The following SLC9A9 variants were observed in gnomAD, a reference collection of about 807,000 sequenced individuals.
SLC9A9 encodes sodium/hydrogen exchanger 9.
SLC9A9 carries 62 observed loss-of-function variants against 77.8 expected under a neutral mutation model. The ratio of observed to expected loss-of-function variants is 0.80; its 90% CI spans 0.65 to 0.98. The LOEUF (loss-of-function observed/expected upper bound fraction) is 0.98. SLC9A9 is among the 50% of genes least tolerant of loss of function. SLC9A9 has a pLI of 0.00. For missense variants in SLC9A9, 775 were observed against 774.9 expected, an observed-to-expected ratio of 1.00 and a Z score of 0.00; for synonymous variants, 320 against 283.5, an observed-to-expected ratio of 1.13 and a Z score of -1.29.
intron 9 of SLC9A9, among the ~76,000 whole-genome samples, chr3:143,548,930 T>A (rs1468720219): frequency 6.6e-6 from 1 of 152,244 alleles, no homozygotes; most frequent in Non-Finnish European, 1.5e-5. Context: ...TTGAATTTTA[T>A]AACTCAAAGG....
intron 4 of SLC9A9, among the ~76,000 whole-genome samples, chr3:143,734,944 T>C (rs975588705): frequency 6.6e-6 from 1 of 152,158 alleles, no homozygotes; most frequent in African/African-American, 2.4e-5. Flanking sequence ...AATCAGACTG[T>C]GAATTGTGTT....
At chr3:143,773,736 G>A (rs139288314) in intron 4 of SLC9A9, among the ~76,000 whole-genome samples, 3,426 of 152,122 alleles carry the variant, frequency 0.023, 119 homozygotes, top group African/African-American at 0.076. Flanking sequence ...TGCCCACCTC[G>A]GCCTCCCAAA....
chr3:143,516,682 A>G (rs1420944448), intron 9 of SLC9A9, among the ~76,000 whole-genome samples: 1 of 152,082 alleles, frequency 6.6e-6, no homozygotes, highest in Non-Finnish European at 1.5e-5. Flanking sequence ...TGCCTCTCCT[A>G]CCCTATGTAA....
intron 12 of SLC9A9, among the ~76,000 whole-genome samples, chr3:143,385,907 C>T (rs2033412782): frequency 6.6e-6 from 1 of 152,290 alleles, no homozygotes; most frequent in East Asian, 1.9e-4. Flanking sequence ...CAAATACAGT[C>T]CCTGAGCTCT....
At chr3:143,484,777 G>A (rs755856999) in intron 11 of SLC9A9, among the ~76,000 whole-genome samples, 19 of 152,134 alleles carry the variant, frequency 1.2e-4, no homozygotes, top group Non-Finnish European at 1.3e-4. Flanking sequence ...GTTCAAAGTC[G>A]AGAGGCCTGG....
At chr3:143,622,191 G>T (rs1457432769) in intron 6 of SLC9A9, among the ~76,000 whole-genome samples, 2 of 152,200 alleles carry the variant, frequency 1.3e-5, no homozygotes, top group African/African-American at 4.8e-5. Flanking sequence ...AAAACACTCT[G>T]CAGGATATTA....
chr3:143,379,354 C>T (rs1308666397), intron 13 of SLC9A9, among the ~76,000 whole-genome samples: 1 of 152,174 alleles, frequency 6.6e-6, no homozygotes, highest in Non-Finnish European at 1.5e-5. Context: ...TACCAAAAAA[C>T]GGTCCAGGTT....
chr3:143,357,032 C>T (rs1448009357), intron 14 of SLC9A9, among the ~76,000 whole-genome samples: 2 of 152,146 alleles, frequency 1.3e-5, no homozygotes, highest in Non-Finnish European at 1.5e-5. Context: ...AGCCAGCTTC[C>T]CAGGAGAAGC....
intron 9 of SLC9A9, among the ~76,000 whole-genome samples, chr3:143,506,024 G>A (rs895099654): frequency 1.3e-5 from 2 of 152,140 alleles, no homozygotes; most frequent in Non-Finnish European, 2.9e-5. Flanking sequence ...GTCATTGCAG[G>A]ATTTTGTAAG....
intron 3 of SLC9A9, among the ~76,000 whole-genome samples, chr3:143,796,279 T>G (rs747514143): frequency 3.0e-4 from 45 of 151,742 alleles, no homozygotes; most frequent in Admixed American, 2.6e-3. Flanking sequence ...GTTTTCACTT[T>G]AAAGGATAAA....
At chr3:143,612,588 C>T (rs183098981) in intron 6 of SLC9A9, among the ~76,000 whole-genome samples, 203 of 152,326 alleles carry the variant, frequency 1.3e-3, no homozygotes, top group African/African-American at 4.7e-3. Flanking sequence ...TTTCAAGTTT[C>T]TCCAACAGAA....
At chr3:143,306,190 T>A (rs895904056) in intron 14 of SLC9A9, among the ~76,000 whole-genome samples, 1 of 152,142 alleles carries the variant, frequency 6.6e-6, no homozygotes, top group East Asian at 1.9e-4. Flanking sequence ...GGGAACATAA[T>A]GGGGGCACTG....
intron 4 of SLC9A9, among the ~76,000 whole-genome samples, chr3:143,707,156 C>T (rs569019618): frequency 1.1e-3 from 160 of 152,256 alleles, no homozygotes; most frequent in Non-Finnish European, 1.9e-3. Context: ...CACAGTTCTC[C>T]TTTTCCCTGG....
chr3:143,722,802 C>T (rs1934538972), intron 4 of SLC9A9, among the ~76,000 whole-genome samples: 1 of 152,084 alleles, frequency 6.6e-6, no homozygotes, highest in Admixed American at 6.5e-5. Flanking sequence ...ATTTATTTAC[C>T]TGTTCTTTCT....
At chr3:143,493,895 C>A (rs1199868638) in intron 10 of SLC9A9, 131 bp from the exon 11 acceptor site, 3 of 710,280 alleles carry the variant, frequency 4.2e-6, no homozygotes, top group Non-Finnish European at 7.5e-6. Context: ...CATGTCAATT[C>A]ACATTTGTCC....
intron 9 of SLC9A9, among the ~76,000 whole-genome samples, chr3:143,508,543 T>C (rs1046914038): frequency 4.7e-4 from 72 of 152,254 alleles, no homozygotes; most frequent in African/African-American, 1.6e-3. Flanking sequence ...TATGTTATGT[T>C]ATTCTCAATA....
At chr3:143,475,138 T>G (rs1028169842) in intron 11 of SLC9A9, among the ~76,000 whole-genome samples, 1 of 151,510 alleles carries the variant, frequency 6.6e-6, no homozygotes, top group African/African-American at 2.4e-5. Flanking sequence ...TTTTTTTTTT[T>G]TTTGTATTTT....
intron 9 of SLC9A9, among the ~76,000 whole-genome samples, chr3:143,539,036 CAG>C (rs2036641799): frequency 2.0e-5 from 3 of 151,928 alleles, no homozygotes; most frequent in African/African-American, 7.3e-5. Context: ...TGTTTTAAAG[CAG>C]AGATTTTTTT....
chr3:143,368,146 C>A (rs2032958914), intron 13 of SLC9A9, among the ~76,000 whole-genome samples: 1 of 152,122 alleles, frequency 6.6e-6, no homozygotes, highest in Non-Finnish European at 1.5e-5. Flanking sequence ...ATATCTTTTT[C>A]TCCTTAAATA....
Sources: allele counts gnomAD v4.1 joint callset (sites outside exome capture counted in the v4.1 genomes callset), GRCh38; gene constraint gnomAD v4.1.1; transcripts MANE v1.5; gene names NCBI Gene and HGNC (gene_info 2026-07-23, HGNC 2026-07-21).